The following DNAH6 variants were observed in gnomAD, a reference collection of about 807,000 sequenced individuals.
DNAH6 encodes dynein axonemal heavy chain 6.
In DNAH6, 340 loss-of-function variants were observed where a neutral mutation model predicts 491.4. That is an observed-to-expected ratio of 0.69 (90% CI 0.63 to 0.76). The LOEUF (loss-of-function observed/expected upper bound fraction) is 0.76. Ranked by LOEUF, DNAH6 falls within the 30% of genes least tolerant of loss-of-function variation. The pLI is 0.00. For synonymous variants in DNAH6, 1,603 were observed against 1,686.1 expected (o/e 0.95, Z 1.21); for missense variants, 4,443 against 4,972.2 (o/e 0.89, Z 3.20).
upstream of DNAH6, among the ~76,000 whole-genome samples, chr2:84,511,784 T>C (rs1180145268): frequency 6.6e-6 from 1 of 152,238 alleles, no homozygotes; most frequent in Non-Finnish European, 1.5e-5. Context: ...TCATGCTGTC[T>C]TTTTTCCCTC....
chr2:84,705,418 G>C, intron 51 of DNAH6, 68 bp from the exon 52 acceptor site: 1 of 1,347,630 alleles, frequency 7.4e-7, no homozygotes, highest in Non-Finnish European at 9.9e-7. Context: ...TGTTCTCAAA[G>C]AAATACATTC....
intron 16 of DNAH6, among the ~76,000 whole-genome samples, chr2:84,589,448 A>T (rs952871137): frequency 2.0e-5 from 3 of 152,230 alleles, no homozygotes; most frequent in African/African-American, 7.2e-5. Flanking sequence ...GCAGTGGCTT[A>T]TGCCTGTAAT....
At chr2:84,526,822 A>C (rs776172647) in intron 3 of DNAH6, among the ~76,000 whole-genome samples, 3 of 152,166 alleles carry the variant, frequency 2.0e-5, no homozygotes, top group African/African-American at 7.2e-5. Flanking sequence ...TGAGCCAGGA[A>C]AGATTTAATT....
At chr2:84,585,034 G>A (rs1488674676) in intron 15 of DNAH6, among the ~76,000 whole-genome samples, 7 of 152,154 alleles carry the variant, frequency 4.6e-5, no homozygotes, top group Admixed American at 4.6e-4. Flanking sequence ...AAAGATTACA[G>A]TATACCTTTA....
At chr2:84,710,110 C>T (rs1360909430) in intron 55 of DNAH6, among the ~76,000 whole-genome samples, 177 bp from the exon 56 acceptor site, 1 of 152,168 alleles carries the variant, frequency 6.6e-6, no homozygotes, top group Non-Finnish European at 1.5e-5. Flanking sequence ...AGAGAAGAGT[C>T]CCAAACATTG....
At chr2:84,512,330 G>A (rs1675366833), upstream of DNAH6, among the ~76,000 whole-genome samples, 1 of 152,142 alleles carries the variant, frequency 6.6e-6, no homozygotes, top group Admixed American at 6.5e-5. Flanking sequence ...CCCCATGATG[G>A]AAGATGGAAG....
chr2:84,593,403 C>T (rs1306618549), intron 16 of DNAH6, among the ~76,000 whole-genome samples: 1 of 152,200 alleles, frequency 6.6e-6, no homozygotes. Context: ...CAGCGTTGAA[C>T]CAAGGCAATC....
chr2:84,788,772 A>C (rs571193482), intron 68 of DNAH6, among the ~76,000 whole-genome samples: 3 of 152,310 alleles, frequency 2.0e-5, no homozygotes, highest in Non-Finnish European at 2.9e-5. Flanking sequence ...GAAGAGTCTC[A>C]GAGCTGTCAA....
intron 45 of DNAH6, among the ~76,000 whole-genome samples, chr2:84,692,214 AATGCT>A (rs1485326835): frequency 2.0e-5 from 3 of 152,180 alleles, no homozygotes. Flanking sequence ...GCACCCGCCA[AATGCT>A]ATGCACTGTT....
At chr2:84,483,167 T>A in the DNAH6 span, among the ~76,000 whole-genome samples, 2 of 152,010 alleles carry the variant, frequency 1.3e-5, no homozygotes, top group East Asian at 3.9e-4. Context: ...TCTCACTATG[T>A]TGTCCAGGCT....
At chr2:84,518,513 T>C (rs746513676) in intron 2 of DNAH6, among the ~76,000 whole-genome samples, 4 of 152,220 alleles carry the variant, frequency 2.6e-5, no homozygotes, top group African/African-American at 4.8e-5. Flanking sequence ...TATAAACGCA[T>C]GTAAAGAGCA....
chr2:84,528,636 A>G (rs1309700917), intron 3 of DNAH6, among the ~76,000 whole-genome samples: 1 of 151,952 alleles, frequency 6.6e-6, no homozygotes, highest in African/African-American at 2.4e-5. Context: ...TGATGTAATA[A>G]ACATTGAGTT....
intron 30 of DNAH6, 76 bp from the exon 31 acceptor site, chr2:84,637,134 G>A: frequency 3.1e-6 from 4 of 1,274,466 alleles, no homozygotes; most frequent in Non-Finnish European, 4.3e-6. Context: ...CATGAGTCTT[G>A]TATTCGAGTA....
chr2:84,796,517 G>C (rs1678362080), intron 69 of DNAH6, 92 bp downstream of exon 69: 1 of 1,152,792 alleles, frequency 8.7e-7, no homozygotes, highest in East Asian at 2.7e-5. Context: ...GTCTGTGTCA[G>C]GTCTCCACAA....
rs1426361650 is a variant in DNAH6 at position 84,524,358 on chromosome 2, G to T, written c.226-1207G>T. Among the ~76,000 whole-genome samples, 5 of 151,946 alleles carry T rather than the reference G, an allele frequency of 3.3e-5. No individual in the cohort carries two copies. The East Asian group carries it at 7.7e-4, about 24-fold the overall frequency. On this transcript the variant is annotated intron_variant, in intron 2 of 76. Coordinates refer to ENST00000389394, the MANE Select transcript of DNAH6 (RefSeq NM_001370.2). ...CTGGGTGTTACTGCATGTGAGATGG[G>T]TCTCTTTAAGACAGCATATCATTGG...
chr2:84,559,685 A>G (rs777384539), intron 11 of DNAH6, among the ~76,000 whole-genome samples: 5 of 152,178 alleles, frequency 3.3e-5, no homozygotes, highest in Non-Finnish European at 5.9e-5. Flanking sequence ...CCAATCCCTG[A>G]GCTAAAGAAA....
chr2:84,644,236 T>C (rs1689685946), intron 33 of DNAH6, among the ~76,000 whole-genome samples: 1 of 151,974 alleles, frequency 6.6e-6, no homozygotes, highest in African/African-American at 2.4e-5. Flanking sequence ...CCAGCTGGAG[T>C]TGATGTTTCC....
intron 61 of DNAH6, among the ~76,000 whole-genome samples, chr2:84,730,111 G>T (rs901426684): frequency 2.0e-5 from 3 of 152,158 alleles, no homozygotes; most frequent in African/African-American, 7.2e-5. Flanking sequence ...ATGGAATCTG[G>T]AGTTGACTGG....
In DNAH6 at chr2:84,621,503, C is replaced by T; in HGVS notation, c.4023C>T (p.His1341=). The change falls in exon 26 of 77, where the codon CAC becomes CAT. Residue 1341 remains histidine, a synonymous_variant. Coordinates refer to ENST00000389394, the MANE Select transcript of DNAH6 (RefSeq NM_001370.2). The part of the protein sequence containing the change: ...RDLTECLETE[H]SNHIQALKNF... The stretch of plus-strand genomic sequence containing the variant: ...TGACTGAATGTCTGGAAACAGAACA[C>T]AGTAATCATATACAGGCCCTGAAGA... 1 of 1,535,946 alleles carries T rather than the reference C, an allele frequency of 6.5e-7. No homozygotes were observed. The highest frequency in any genetic ancestry group is 8.8e-7 in the Non-Finnish European group (1 of 1,134,082).
Sources: gnomAD v4.1 joint callset for allele counts (sites outside exome capture counted in the v4.1 genomes callset) on GRCh38, gnomAD v4.1.1 for gene constraint, MANE v1.5 for transcripts, NCBI Gene and HGNC (gene_info 2026-07-23, HGNC 2026-07-21) for gene names.